Variants in NTN4 observed in about 807,000 individuals in gnomAD.
NTN4 encodes netrin 4.
NTN4 carries 32 observed loss-of-function variants against 73.6 expected under a neutral mutation model. The observed-to-expected ratio is 0.44, with a 90% CI of 0.33 to 0.58. The LOEUF (loss-of-function observed/expected upper bound fraction) is 0.58. NTN4 is among the 20% of genes least tolerant of loss of function. NTN4 has a pLI of 0.04. For synonymous variants in NTN4, 258 were observed against 287.5 expected (o/e 0.90, Z 1.04); for missense variants, 654 against 798.3 (o/e 0.82, Z 2.18).
chr12:95,711,168 A>T (rs2078562673), intron 4 of NTN4, among the ~76,000 whole-genome samples: 2 of 152,060 alleles, frequency 1.3e-5, no homozygotes, highest in African/African-American at 2.4e-5. Flanking sequence ...ACTTTTTTTT[A>T]AAAGGGTTTC....
chr12:95,671,048 G>C (rs971778799), intron 7 of NTN4: 1 of 152,078 alleles, frequency 6.6e-6, no homozygotes, highest in Non-Finnish European at 1.5e-5. Flanking sequence ...ACTCAAGCTG[G>C]AGTGCAGTGG....
intron 5 of NTN4, among the ~76,000 whole-genome samples, 186 bp downstream of exon 5, chr12:95,710,255 T>G (rs1352018465): frequency 6.6e-6 from 1 of 152,206 alleles, no homozygotes; most frequent in African/African-American, 2.4e-5. Flanking sequence ...TGATGAATAT[T>G]ATACTGTTTT....
At chr12:95,698,450 C>T (rs542557228) in intron 5 of NTN4, among the ~76,000 whole-genome samples, 2 of 152,290 alleles carry the variant, frequency 1.3e-5, no homozygotes, top group East Asian at 3.9e-4. Context: ...TTTATTTATT[C>T]AGTGAATTAC....
chr12:95,767,696 T>C (rs12321236), intron 2 of NTN4, among the ~76,000 whole-genome samples: 2,498 of 152,226 alleles, frequency 0.016, 67 homozygotes, highest in African/African-American at 0.057. Flanking sequence ...TTCCCAATCA[T>C]TTCCCATATT....
At chr12:95,750,147 CCTT>C (rs1321108474) in intron 2 of NTN4, among the ~76,000 whole-genome samples, 1 of 151,778 alleles carries the variant, frequency 6.6e-6, no homozygotes, top group Admixed American at 6.6e-5. Context: ...CGCCCCAATC[CCTT>C]ATTTCTGTGC....
At chr12:95,736,064 G>A (rs1042793045) in intron 3 of NTN4, among the ~76,000 whole-genome samples, 6 of 151,828 alleles carry the variant, frequency 4.0e-5, no homozygotes, top group East Asian at 3.9e-4. Flanking sequence ...TCAGCCTCTC[G>A]AGCAGCAGGG....
intron 3 of NTN4, among the ~76,000 whole-genome samples, chr12:95,725,084 T>C (rs1363862146): frequency 6.6e-6 from 1 of 150,526 alleles, no homozygotes; most frequent in East Asian, 1.9e-4. Context: ...AAAAGGGGAT[T>C]ACATCGATTT....
chr12:95,766,815 G>A (rs938700416), intron 2 of NTN4, among the ~76,000 whole-genome samples: 5 of 152,148 alleles, frequency 3.3e-5, no homozygotes, highest in African/African-American at 1.2e-4. Context: ...GATTGCATTC[G>A]CTTTTTTGGC....
intron 2 of NTN4, among the ~76,000 whole-genome samples, chr12:95,750,767 C>T (rs1212763628): frequency 2.6e-5 from 4 of 152,192 alleles, no homozygotes; most frequent in Non-Finnish European, 5.9e-5. Flanking sequence ...CCTCCCCAGG[C>T]TGCTCCTCGC....
At chr12:95,779,804 T>C (rs931559559) in intron 2 of NTN4, among the ~76,000 whole-genome samples, 1 of 152,168 alleles carries the variant, frequency 6.6e-6, no homozygotes, top group Non-Finnish European at 1.5e-5. Context: ...TGGAAAAAAC[T>C]ACTTTAAAGT....
chr12:95,687,428 T>C (rs1303720079), intron 5 of NTN4, among the ~76,000 whole-genome samples: 1 of 151,590 alleles, frequency 6.6e-6, no homozygotes, highest in East Asian at 1.9e-4. Flanking sequence ...TGTGATGGAG[T>C]CTTGCTTTAC....
chr12:95,773,292 C>T (rs2079070326), intron 2 of NTN4, among the ~76,000 whole-genome samples: 1 of 152,198 alleles, frequency 6.6e-6, no homozygotes, highest in South Asian at 2.1e-4. Flanking sequence ...GCATGAGCCA[C>T]CATGCCTGGC....
intron 2 of NTN4, among the ~76,000 whole-genome samples, chr12:95,744,143 C>A (rs148319221): frequency 6.6e-6 from 1 of 151,960 alleles, no homozygotes; most frequent in African/African-American, 2.4e-5. Flanking sequence ...CTCAGGTGAT[C>A]CACCTGCCTC....
At chr12:95,769,751 CTTTT>C (rs34093723) in intron 2 of NTN4, among the ~76,000 whole-genome samples, 5,339 of 116,958 alleles carry the variant, frequency 0.046, 179 homozygotes, top group East Asian at 0.23. Context: ...AGGTTTCAAT[CTTTT>C]TTTTTTTTTT....
At chr12:95,770,988 A>ATCTGT (rs2079053427) in intron 2 of NTN4, among the ~76,000 whole-genome samples, 1 of 58,070 alleles carries the variant, frequency 1.7e-5, no homozygotes, top group Non-Finnish European at 5.1e-5. Flanking sequence ...CAGGAAAAGA[A>ATCTGT]TTTGTTTTTT....
intron 2 of NTN4, among the ~76,000 whole-genome samples, chr12:95,750,209 C>A (rs1207366160): frequency 6.8e-6 from 1 of 146,526 alleles, no homozygotes; most frequent in African/African-American, 2.5e-5. Flanking sequence ...GTGCCCCATC[C>A]CTTATTTCCG....
intron 8 of NTN4, among the ~76,000 whole-genome samples, chr12:95,666,914 C>T (rs2078184929): frequency 6.7e-6 from 1 of 149,800 alleles, no homozygotes; most frequent in African/African-American, 2.5e-5. Flanking sequence ...TACACTAACA[C>T]TAATGATAGC....
intron 3 of NTN4, among the ~76,000 whole-genome samples, chr12:95,725,469 A>C (rs547582134): frequency 6.6e-6 from 1 of 152,282 alleles, no homozygotes; most frequent in South Asian, 2.1e-4. Context: ...AAAGGAAAAA[A>C]ATTTCTTGTC....
chr12:95,764,676 CAAAAA>C (rs11326708), intron 2 of NTN4, among the ~76,000 whole-genome samples: 3 of 98,864 alleles, frequency 3.0e-5, no homozygotes, highest in Non-Finnish European at 6.2e-5. Context: ...CCGCCCCGAC[CAAAAA>C]AAAAAAAAAA....
Sources: allele counts gnomAD v4.1 joint callset (sites outside exome capture counted in the v4.1 genomes callset), GRCh38; gene constraint gnomAD v4.1.1; transcripts MANE v1.5; gene names NCBI Gene and HGNC (gene_info 2026-07-23, HGNC 2026-07-21).